The following MMS19 variants were observed in gnomAD, a reference collection of about 807,000 sequenced individuals.
MMS19 encodes MMS19 cytosolic iron-sulfur assembly component.
A neutral mutation model predicts 129.8 loss-of-function variants in MMS19; 77 were observed. That is an observed-to-expected ratio of 0.59 (90% CI 0.49 to 0.72). The LOEUF is 0.72. Among genes scored for constraint, MMS19 ranks in the 30% least tolerant of loss-of-function variants. The pLI is 0.00. For missense variants in MMS19, 1,168 were observed against 1,266.3 expected (o/e 0.92, Z 1.18); for synonymous variants, 491 against 502.8 (o/e 0.98, Z 0.31).
At position 97,463,958 on chromosome 10, in the gene MMS19, C is replaced by T; in HGVS notation, c.1812G>A (p.Gln604=). 2 of 1,613,192 alleles carry T rather than the reference C, an allele frequency of 1.2e-6. No individual in the cohort carries two copies. The highest frequency in any genetic ancestry group is 1.1e-5 in the South Asian group (1 of 90,846). Residue 604 remains glutamine, a synonymous_variant, in exon 19 of 31, where the codon CAG becomes CAA. Coordinates refer to ENST00000438925, the MANE Select transcript of MMS19 (RefSeq NM_022362.5). The part of the protein sequence containing the change: ...DVIAVCQSLR[Q]MAEKCQQDPE... ...GGTCCTGCTGACATTTTTCTGCCAT[C>T]TGTCTGAGGCTCTGACAGACAGCAA...
At chr10:97,493,717 A>G (rs190419318) in intron 1 of MMS19, among the ~76,000 whole-genome samples, 9 of 152,196 alleles carry the variant, frequency 5.9e-5, no homozygotes, top group African/African-American at 2.2e-4. Context: ...AAATTATCCA[A>G]AATTAAAAAT....
intron 13 of MMS19, among the ~76,000 whole-genome samples, chr10:97,468,007 G>T (rs538974547): frequency 6.6e-6 from 1 of 151,810 alleles, no homozygotes; most frequent in Admixed American, 6.6e-5. Flanking sequence ...TTAGAGATGG[G>T]ATCTCACTTT....
chr10:97,470,574 C>G (rs1446011907), intron 9 of MMS19, among the ~76,000 whole-genome samples: 1 of 152,102 alleles, frequency 6.6e-6, no homozygotes, highest in Non-Finnish European at 1.5e-5. Context: ...TAGGTGTGTG[C>G]CACTGAATCC....
At chr10:97,464,497 C>G (rs994381823) in intron 18 of MMS19, among the ~76,000 whole-genome samples, 2 of 152,140 alleles carry the variant, frequency 1.3e-5, no homozygotes, top group Admixed American at 6.5e-5. Flanking sequence ...CAGTGCTTCT[C>G]AAACTCAACA....
intron 1 of MMS19, among the ~76,000 whole-genome samples, chr10:97,486,891 A>ATATATATATATATATATATATG (rs1554852518): frequency 5.3e-5 from 7 of 132,336 alleles, no homozygotes; most frequent in Admixed American, 1.6e-4. Flanking sequence ...ATATATATAT[A>ATATATATATATATATATATATG]TATAAAATTA....
At chr10:97,474,005 G>GT (rs1055669708) in intron 8 of MMS19, among the ~76,000 whole-genome samples, 5 of 151,892 alleles carry the variant, frequency 3.3e-5, no homozygotes, top group African/African-American at 1.2e-4. Flanking sequence ...TTAGTCGGGA[G>GT]TAGTGTCATG....
intron 1 of MMS19, among the ~76,000 whole-genome samples, chr10:97,497,417 C>A (rs964780332): frequency 6.6e-6 from 1 of 151,998 alleles, no homozygotes; most frequent in African/African-American, 2.4e-5. Context: ...TCCAAGCATA[C>A]GAAATTTCCA....
intron 17 of MMS19, 31 bp from the exon 18 acceptor site, chr10:97,465,985 T>C (rs763773542): frequency 6.2e-7 from 1 of 1,612,926 alleles, no homozygotes; most frequent in South Asian, 1.1e-5. Context: ...AAAGGTTTAC[T>C]GTGTGATAGG....
chr10:97,483,609 T>G (rs1321774282), intron 2 of MMS19, among the ~76,000 whole-genome samples: 1 of 152,260 alleles, frequency 6.6e-6, no homozygotes, highest in East Asian at 1.9e-4. Flanking sequence ...GTACTTCCTC[T>G]AAGTGCTTAG....
At chr10:97,490,584 T>TTAA (rs1207010489) in intron 1 of MMS19, among the ~76,000 whole-genome samples, 1 of 152,116 alleles carries the variant, frequency 6.6e-6, no homozygotes, top group Admixed American at 6.6e-5. Context: ...TCCACCTACC[T>TTAA]CTAAATGCAG....
chr10:97,480,939 T>C lies in MMS19; in HGVS notation c.262+3A>G. 6.3e-7 allele frequency: 1 copy of C among 1,590,724 alleles called. No individual in the cohort carries two copies. The highest frequency in any genetic ancestry group is 1.1e-5 in the South Asian group (1 of 88,314). On this transcript the variant is annotated splice_donor_region_variant and intron_variant, in intron 3 of 30. Transcript: ENST00000438925. Reference sequence around the variant, plus strand: ...AAGACATTCCTATTAGTGACACCAGTACCTTCCTTCTCCAGGAGCAAGGTG... The same window carrying C: ...AAGACATTCCTATTAGTGACACCAGCACCTTCCTTCTCCAGGAGCAAGGTG...
chr10:97,460,572 CAAAAAGA>C (rs2031512178), intron 25 of MMS19, 116 bp downstream of exon 25: 10 of 889,588 alleles, frequency 1.1e-5, no homozygotes, highest in Non-Finnish European at 1.8e-5. Context: ...ACCCTGTCTC[CAAAAAGA>C]AAAAAGAAAA....
chr10:97,497,865 G>A (rs2040088895), intron 1 of MMS19, among the ~76,000 whole-genome samples: 1 of 152,160 alleles, frequency 6.6e-6, no homozygotes, highest in African/African-American at 2.4e-5. Context: ...AGCGGACGCT[G>A]CGAGGATGCA....
At chr10:97,489,487 T>A in intron 1 of MMS19, among the ~76,000 whole-genome samples, 1 of 152,246 alleles carries the variant, frequency 6.6e-6, no homozygotes. Flanking sequence ...TCGGTTTCTC[T>A]TAATGTTAAC....
intron 18 of MMS19, among the ~76,000 whole-genome samples, chr10:97,464,503 C>T (rs775666412): frequency 6.5e-4 from 99 of 152,132 alleles, no homozygotes; most frequent in Non-Finnish European, 1.3e-3. Context: ...TTCTCAAACT[C>T]AACAGTCTAC....
At chr10:97,484,079 A>G in intron 2 of MMS19, 24 bp downstream of exon 2, 1 of 1,492,704 alleles carries the variant, frequency 6.7e-7, no homozygotes, top group Non-Finnish European at 9.1e-7. Flanking sequence ...TTGGAGAAGA[A>G]CATTCTATAG....
At chr10:97,480,229 T>A (rs1318824353) in intron 3 of MMS19, 4 of 463,226 alleles carry the variant, frequency 8.6e-6, no homozygotes, top group Non-Finnish European at 1.8e-5. Context: ...CTCCAGCTTC[T>A]GGATATATTA....
chr10:97,459,877 G>T, intron 26 of MMS19, 136 bp from the exon 27 acceptor site: 1 of 976,792 alleles, frequency 1.0e-6, no homozygotes, highest in Non-Finnish European at 1.5e-6. Flanking sequence ...GAATAAGCAA[G>T]ATACGCCCAT....
At chr10:97,486,496 G>C (rs928352492) in intron 1 of MMS19, among the ~76,000 whole-genome samples, 1 of 152,130 alleles carries the variant, frequency 6.6e-6, no homozygotes, top group Non-Finnish European at 1.5e-5. Flanking sequence ...CCTGCCACTT[G>C]GGACAACACA....
Sources: allele counts gnomAD v4.1 joint callset (sites outside exome capture counted in the v4.1 genomes callset), GRCh38; gene constraint gnomAD v4.1.1; transcripts MANE v1.5; gene names NCBI Gene and HGNC (gene_info 2026-07-23, HGNC 2026-07-21).